PTPRZ1: variants seen among roughly 807,000 people sequenced by gnomAD.
PTPRZ1 encodes the protein receptor-type tyrosine-protein phosphatase zeta.
PTPRZ1 carries 82 observed loss-of-function variants against 214.1 expected under a neutral mutation model. The ratio of observed to expected loss-of-function variants is 0.38; its 90% confidence interval spans 0.32 to 0.46. PTPRZ1 has a LOEUF of 0.46. PTPRZ1 is among the 20% of genes least tolerant of loss of function. PTPRZ1 has a pLI of 1.00. For missense variants in PTPRZ1, 2,603 were observed against 2,748.7 expected (o/e 0.95, Z 1.19); for synonymous variants, 945 against 987.9 (o/e 0.96, Z 0.81).
At chr7:121,933,650 A>G (rs971156665) in intron 2 of PTPRZ1, among the ~76,000 whole-genome samples, 1 of 152,160 alleles carries the variant, frequency 6.6e-6, no homozygotes, top group African/African-American at 2.4e-5. Flanking sequence ...TTCCATTTTG[A>G]TAACTGTATG....
At chr7:121,882,691 G>T (rs1250285193) in intron 1 of PTPRZ1, among the ~76,000 whole-genome samples, 1 of 152,170 alleles carries the variant, frequency 6.6e-6, no homozygotes, top group Non-Finnish European at 1.5e-5. Flanking sequence ...GATAACTCAG[G>T]TATCAGAGCA....
intron 13 of PTPRZ1, among the ~76,000 whole-genome samples, chr7:122,020,518 G>A (rs1584749924): frequency 6.6e-6 from 1 of 152,310 alleles, no homozygotes; most frequent in East Asian, 1.9e-4. Context: ...CAGGTGCAAA[G>A]ATCGGGAAGT....
intron 13 of PTPRZ1, among the ~76,000 whole-genome samples, chr7:122,022,479 G>A (rs746372722): frequency 2.0e-5 from 3 of 152,134 alleles, no homozygotes; most frequent in South Asian, 2.1e-4. Context: ...GAAGCTCCCC[G>A]TACAGAGACA....
intron 2 of PTPRZ1, among the ~76,000 whole-genome samples, chr7:121,934,204 A>C (rs896982843): frequency 6.6e-6 from 1 of 152,156 alleles, no homozygotes; most frequent in South Asian, 2.1e-4. Flanking sequence ...AATATTTTCA[A>C]CTTAACGTGA....
chr7:122,011,241 C>G lies in PTPRZ1; in HGVS notation c.2195C>G (p.Ser732Cys), dbSNP rs1205978975. 1 of 1,613,924 alleles carries G rather than the reference C, an allele frequency of 6.2e-7. No homozygotes were observed. Among genetic ancestry groups the G allele is most frequent in the African/African-American group, 1.3e-5 (1 of 74,912 alleles). Residue 732 changes from serine to cysteine, a missense_variant, in exon 12 of 30, where the codon TCC becomes TGC. This residue lies in a region of PTPRZ1 where 1,913 missense variants were observed against 1,914.3 expected (regional missense o/e 1.00). Coordinates refer to ENST00000393386, the MANE Select transcript of PTPRZ1 (RefSeq NM_002851.3). ...EVTPHAFTPS[S>C]RQQDLVSTVN... ...ACACCTCATGCTTTTACCCCATCCT[C>G]CAGACAACAGGATTTGGTCTCCACG...
At chr7:122,024,081 C>T (rs1799134210) in intron 13 of PTPRZ1, among the ~76,000 whole-genome samples, 1 of 151,736 alleles carries the variant, frequency 6.6e-6, no homozygotes, top group Non-Finnish European at 1.5e-5. Context: ...AAGACATTCA[C>T]TGCTTATACT....
intron 2 of PTPRZ1, among the ~76,000 whole-genome samples, chr7:121,934,819 G>C (rs900893833): frequency 2.0e-5 from 3 of 152,058 alleles, no homozygotes; most frequent in Non-Finnish European, 4.4e-5. Flanking sequence ...TTATATTCTG[G>C]TCAAACTTTT....
chr7:122,021,812 TCTTTA>T (rs930062505), intron 13 of PTPRZ1, among the ~76,000 whole-genome samples: 1 of 152,230 alleles, frequency 6.6e-6, no homozygotes, highest in African/African-American at 2.4e-5. Flanking sequence ...AAATTGTCAA[TCTTTA>T]CTTATTTTGA....
chr7:122,002,631 A>G (rs1249449663), intron 10 of PTPRZ1, among the ~76,000 whole-genome samples: 1 of 152,246 alleles, frequency 6.6e-6, no homozygotes, highest in Non-Finnish European at 1.5e-5. Flanking sequence ...TCAATGTGAT[A>G]GTTATACATA....
intron 2 of PTPRZ1, among the ~76,000 whole-genome samples, chr7:121,929,566 G>A (rs993730114): frequency 6.6e-6 from 1 of 150,538 alleles, no homozygotes; most frequent in African/African-American, 2.4e-5. Flanking sequence ...CCAGCACTTT[G>A]GGAGGCTGAG....
chr7:121,992,023 G>A (rs1225247613), intron 8 of PTPRZ1, among the ~76,000 whole-genome samples: 2 of 152,194 alleles, frequency 1.3e-5, no homozygotes, highest in African/African-American at 4.8e-5. Context: ...TTATTAGCAT[G>A]TATTTACGAA....
At chr7:121,920,673 A>G (rs558629044) in intron 1 of PTPRZ1, among the ~76,000 whole-genome samples, 2 of 152,202 alleles carry the variant, frequency 1.3e-5, no homozygotes, top group Non-Finnish European at 2.9e-5. Flanking sequence ...TTGACAGGAA[A>G]AAAATGTGGT....
Position 122,028,549 on chromosome 7 carries a change from C to T in PTPRZ1, c.4989-3C>T, listed in dbSNP as rs771203683. The T allele has an allele frequency of 1.0e-5, 16 of 1,526,292 alleles. No homozygotes were observed. In the East Asian group the frequency reaches 3.4e-4, roughly 32 times the overall value. 94.5% of individuals were successfully genotyped at this position (1,526,292 alleles called of 1,614,324 possible). A position where few individuals can be genotyped will look rare whatever the true frequency, so the allele number is the denominator to read the frequency against. On this transcript the variant is annotated splice_region_variant and splice_polypyrimidine_tract_variant and intron_variant, in intron 13 of 29. Transcript: ENST00000393386. Reference sequence around the variant, plus strand: ...AGTATAAATTGTGTTCTTTTATTTCCAGGAAATGCTTCCAGACTGCACACT... The same window carrying T: ...AGTATAAATTGTGTTCTTTTATTTCTAGGAAATGCTTCCAGACTGCACACT...
At chr7:121,951,769 C>T (rs1156485748) in intron 2 of PTPRZ1, among the ~76,000 whole-genome samples, 3 of 152,150 alleles carry the variant, frequency 2.0e-5, no homozygotes, top group Admixed American at 2.0e-4. Flanking sequence ...GTGCCTGCTT[C>T]ACTTCCTTTG....
At chr7:122,010,182 G>T (rs1798603213) in intron 11 of PTPRZ1, 152 bp from the exon 12 acceptor site, 2 of 677,716 alleles carry the variant, frequency 3.0e-6, no homozygotes, top group Non-Finnish European at 4.8e-6. Flanking sequence ...GGTAAAGGTT[G>T]TAGGTTAGAG....
intron 1 of PTPRZ1, among the ~76,000 whole-genome samples, chr7:121,904,515 A>C (rs1052943921): frequency 6.6e-6 from 1 of 152,162 alleles, no homozygotes; most frequent in Non-Finnish European, 1.5e-5. Context: ...CATAATTACT[A>C]TAACAATTAT....
At position 121,948,648 on chromosome 7, in the gene PTPRZ1, G is replaced by C. The variant is rs1796458801; in HGVS notation, c.125-19303G>C. ...GTGCGAAGGCACTGAGATAAGAAAA[G>C]TGGCTGCTTATGGAAGAGAAAGCAG... On this transcript the variant is annotated intron_variant, in intron 2 of 29. Coordinates refer to ENST00000393386, the MANE Select transcript of PTPRZ1 (RefSeq NM_002851.3). Among the ~76,000 whole-genome samples the C allele has an allele frequency of 2.0e-5, 3 of 152,134 alleles. No homozygotes were observed. In the South Asian group the frequency reaches 6.2e-4, roughly 32 times the overall value.
intron 2 of PTPRZ1, among the ~76,000 whole-genome samples, chr7:121,953,392 A>T (rs991775019): frequency 6.6e-6 from 1 of 152,242 alleles, no homozygotes; most frequent in Non-Finnish European, 1.5e-5. Context: ...GAAAAGGTAG[A>T]TGAATGGAAA....
chr7:122,061,056 T>C, intron 29 of PTPRZ1, 24 bp from the exon 30 acceptor site: 1 of 1,559,604 alleles, frequency 6.4e-7, no homozygotes, highest in Admixed American at 2.0e-5. Flanking sequence ...TCGCATTTAT[T>C]ACCTCCCATC....
Sources: gnomAD v4.1 joint callset for allele counts (sites outside exome capture counted in the v4.1 genomes callset) on GRCh38, gnomAD v4.1.1 for gene constraint, gnomAD v4.1.1 regional missense constraint, MANE v1.5 for transcripts, NCBI Gene and HGNC (gene_info 2026-07-23, HGNC 2026-07-21) for gene names.